The following KDM4C variants were observed in gnomAD, a reference collection of about 807,000 sequenced individuals.
The protein encoded by KDM4C is lysine demethylase 4C, also known as lysine-specific demethylase 4C.
Under a neutral mutation model 129.3 loss-of-function variants are expected in KDM4C, and 81 were observed. The observed-to-expected ratio is 0.63, with a 90% CI of 0.52 to 0.75. KDM4C has a LOEUF of 0.75. Ranked by LOEUF, KDM4C falls within the 30% of genes least tolerant of loss-of-function variation. The pLI, the probability that KDM4C is intolerant of heterozygous loss-of-function variation, is 0.00. For missense variants in KDM4C, 1,457 were observed against 1,304.0 expected (o/e 1.12, Z -1.81); for synonymous variants, 573 against 456.1 (o/e 1.26, Z -3.26).
chr9:7,151,123 C>G (rs1842688432), intron 19 of KDM4C, among the ~76,000 whole-genome samples: 2 of 151,826 alleles, frequency 1.3e-5, no homozygotes, highest in African/African-American at 4.8e-5. Flanking sequence ...CCAGCCTTGC[C>G]AACATAGTGA....
intron 4 of KDM4C, among the ~76,000 whole-genome samples, chr9:6,839,506 C>T (rs1283312025): frequency 6.6e-6 from 1 of 150,938 alleles, no homozygotes; most frequent in Non-Finnish European, 1.5e-5. Flanking sequence ...TCCCAAAATG[C>T]TGGGATTACA....
At chr9:6,807,933 A>G (rs1479571415) in intron 3 of KDM4C, among the ~76,000 whole-genome samples, 2 of 109,726 alleles carry the variant, frequency 1.8e-5, no homozygotes, top group African/African-American at 7.3e-5. Flanking sequence ...CCCCTCCGGG[A>G]GGGAGGTGGG....
At chr9:6,856,129 C>G (rs1172632749) in intron 5 of KDM4C, among the ~76,000 whole-genome samples, 4 of 151,726 alleles carry the variant, frequency 2.6e-5, no homozygotes, top group African/African-American at 4.8e-5. Flanking sequence ...TAAACATTTG[C>G]TCAGTGAACA....
intron 2 of KDM4C, among the ~76,000 whole-genome samples, chr9:6,802,125 CAGTA>C (rs889043836): frequency 6.7e-6 from 1 of 150,020 alleles, no homozygotes; most frequent in African/African-American, 2.4e-5. Context: ...AAAAAAGTAT[CAGTA>C]AGGTCAGTAA....
intron 8 of KDM4C, among the ~76,000 whole-genome samples, chr9:6,927,711 C>G (rs1245721918): frequency 6.6e-6 from 1 of 152,194 alleles, no homozygotes; most frequent in Non-Finnish European, 1.5e-5. Flanking sequence ...CGTATCAACC[C>G]TCCACACAAG....
chr9:7,024,273 T>C (rs1825397309), intron 15 of KDM4C, among the ~76,000 whole-genome samples: 1 of 149,728 alleles, frequency 6.7e-6, no homozygotes. Flanking sequence ...TCTCTCTTTT[T>C]ATCTCTAATG....
Position 6,981,114 on chromosome 9 carries a change from C to G in KDM4C, c.1111C>G (p.Arg371Gly). The G allele has an allele frequency of 6.2e-7, 1 of 1,610,378 alleles. No individual in the cohort carries two copies. Among genetic ancestry groups the G allele is most frequent in the Non-Finnish European group, 8.5e-7 (1 of 1,178,426 alleles). ...GAGGAGGAAAGTAAGAAAAGCATCC[C>G]GAAGGTAATGACCCCTCACCCCACT... ...QRRRKVRKASRSFQCARSTSK... is the reference protein window; with the variant it reads ...QRRRKVRKASGSFQCARSTSK... Residue 371 changes from arginine (R) to glycine (G), a missense_variant, in exon 9 of 22, where the codon CGA becomes GGA. Coordinates refer to ENST00000381309, the MANE Select transcript of KDM4C (RefSeq NM_015061.6).
intron 21 of KDM4C, among the ~76,000 whole-genome samples, chr9:7,173,215 A>G (rs10815534): frequency 0.78 from 118,204 of 152,230 alleles, 46,043 homozygotes; most frequent in Middle Eastern, 0.81. Context: ...AGGAGTCCCA[A>G]AGAAGGACCC....
chr9:6,939,624 G>A (rs1038933025), intron 8 of KDM4C, among the ~76,000 whole-genome samples: 1 of 152,146 alleles, frequency 6.6e-6, no homozygotes, highest in Non-Finnish European at 1.5e-5. Flanking sequence ...CTTATACTTT[G>A]TTACAGTGGT....
intron 12 of KDM4C, 23 bp downstream of exon 12, chr9:6,990,547 G>GT: frequency 6.4e-6 from 8 of 1,254,192 alleles, no homozygotes; most frequent in Non-Finnish European, 8.5e-6. Context: ...CCCTTTTTGG[G>GT]ATTTTTTTTT....
intron 3 of KDM4C, among the ~76,000 whole-genome samples, chr9:6,812,348 G>A (rs899148053): frequency 6.6e-6 from 1 of 152,156 alleles, no homozygotes; most frequent in Non-Finnish European, 1.5e-5. Context: ...TTCTGTAGAA[G>A]TCCTAATAAA....
At chr9:6,769,119 A>C (rs950801946) in intron 1 of KDM4C, among the ~76,000 whole-genome samples, 9 of 152,032 alleles carry the variant, frequency 5.9e-5, no homozygotes, top group African/African-American at 2.2e-4. Flanking sequence ...AATACTCTTA[A>C]GTGAAGCTGG....
At chr9:6,868,742 A>G (rs561658500) in intron 5 of KDM4C, among the ~76,000 whole-genome samples, 1 of 149,404 alleles carries the variant, frequency 6.7e-6, no homozygotes, top group South Asian at 2.2e-4. Context: ...TGGATGTGGG[A>G]CTCTCGGTGT....
chr9:7,165,202 C>G, intron 19 of KDM4C, 36 bp from the exon 20 acceptor site: 1 of 1,610,022 alleles, frequency 6.2e-7, no homozygotes, highest in South Asian at 1.1e-5. Context: ...CACTTAGGCA[C>G]TCCTTTTGAA....
chr9:6,774,926 C>T (rs1441425679), intron 1 of KDM4C, among the ~76,000 whole-genome samples: 1 of 152,112 alleles, frequency 6.6e-6, no homozygotes, highest in Non-Finnish European at 1.5e-5. Context: ...TGCATTTATC[C>T]TTAAAGAGTA....
In KDM4C at chr9:7,127,632, G is replaced by A. The variant is rs116008196; in HGVS notation, c.2611-434G>A. Among the ~76,000 whole-genome samples the A allele has an allele frequency of 4.9e-3, 752 of 152,320 alleles. 4 individuals are homozygous for A. The highest frequency in any genetic ancestry group is 0.017 in the African/African-American group (713 of 41,576). ...TCTAGACTGGATTCTGTGCTTGGGA[G>A]TTTGAGGGTAGGGAAGGTGAATACC... On this transcript the variant is annotated intron_variant, in intron 18 of 21. Transcript: ENST00000381309.
chr9:7,030,912 G>C (rs1826615493), intron 15 of KDM4C, among the ~76,000 whole-genome samples: 1 of 151,996 alleles, frequency 6.6e-6, no homozygotes, highest in African/African-American at 2.4e-5. Flanking sequence ...CCATATAATG[G>C]AATGCATAAA....
chr9:6,776,088 C>T (rs942950942), intron 1 of KDM4C, among the ~76,000 whole-genome samples: 2 of 152,140 alleles, frequency 1.3e-5, no homozygotes, highest in Non-Finnish European at 2.9e-5. Context: ...ACACCTTTCT[C>T]TTTTTTATTT....
chr9:7,019,667 T>C (rs1300302136), intron 15 of KDM4C, among the ~76,000 whole-genome samples: 1 of 108,494 alleles, frequency 9.2e-6, no homozygotes, highest in Non-Finnish European at 2.1e-5. Flanking sequence ...AAAGATTCTC[T>C]TTAAAAAGAG....
Sources: allele counts gnomAD v4.1 joint callset (sites outside exome capture counted in the v4.1 genomes callset), GRCh38; gene constraint gnomAD v4.1.1; transcripts MANE v1.5; gene names NCBI Gene and HGNC (gene_info 2026-07-23, HGNC 2026-07-21).